ANKHD1: variants seen among roughly 807,000 people sequenced by gnomAD.
The protein encoded by ANKHD1 is ankyrin repeat and KH domain-containing protein 1.
In ANKHD1, 31 loss-of-function variants were observed where a neutral mutation model predicts 230.5. The ratio of observed to expected loss-of-function variants is 0.13; its 90% CI spans 0.10 to 0.18. The LOEUF is 0.18. Ranked by LOEUF, ANKHD1 falls within the 10% of genes least tolerant of loss-of-function variation. The pLI is 1.00. For missense variants in ANKHD1, 2,256 were observed against 3,071.3 expected (o/e 0.73, Z 6.27); for synonymous variants, 1,074 against 1,117.6 (o/e 0.96, Z 0.78).
Position 140,524,118 on chromosome 5 carries a change from A to C in ANKHD1, c.4370A>C (p.Lys1457Thr), listed in dbSNP as rs1460003705. 1 of 1,594,210 alleles carries C rather than the reference A, an allele frequency of 6.3e-7. No homozygotes were observed. Among genetic ancestry groups the C allele is most frequent in the Non-Finnish European group, 8.5e-7 (1 of 1,174,590 alleles). ...CTTGCTGCTAAAAGAGAAAAAAGAAAAGAAAAGAGAAAAAAGAAAAAAGAG... is the reference window on the plus strand; with the variant it reads ...CTTGCTGCTAAAAGAGAAAAAAGAACAGAAAAGAGAAAAAAGAAAAAAGAG... ...QALAAKREKR[K>T]EKRKKKKEEQ... The change falls in exon 25 of 34, where the codon AAA becomes ACA. Residue 1457 changes from lysine (K) to threonine (T), a missense_variant. Coordinates refer to ENST00000360839, the MANE Select transcript of ANKHD1 (RefSeq NM_017747.3).
chr5:140,513,572 G>A, intron 24 of ANKHD1, 93 bp downstream of exon 24: 1 of 1,269,770 alleles, frequency 7.9e-7, no homozygotes, highest in South Asian at 1.5e-5. Context: ...ACTTCAGAAG[G>A]CCAAGGCGGG....
intron 1 of ANKHD1, among the ~76,000 whole-genome samples, chr5:140,425,113 A>T (rs770351644): frequency 1.3e-5 from 2 of 152,194 alleles, no homozygotes; most frequent in African/African-American, 4.8e-5. Flanking sequence ...TGTTAAAGCT[A>T]TAGTTTAAAA....
At chr5:140,433,683 A>G (rs1351309379) in intron 1 of ANKHD1, among the ~76,000 whole-genome samples, 1 of 152,154 alleles carries the variant, frequency 6.6e-6, no homozygotes, top group African/African-American at 2.4e-5. Context: ...ATGCGCCTTT[A>G]GTAAATATTG....
chr5:140,429,661 A>AT (rs1397236680), intron 1 of ANKHD1, among the ~76,000 whole-genome samples: 8 of 152,234 alleles, frequency 5.3e-5, no homozygotes, highest in African/African-American at 1.7e-4. Flanking sequence ...ATAGAATATT[A>AT]TTTTTTACTA....
intron 1 of ANKHD1, among the ~76,000 whole-genome samples, chr5:140,405,418 C>T (rs1015516311): frequency 6.6e-6 from 1 of 152,084 alleles, no homozygotes. Context: ...AGAGTATAGT[C>T]TGTGCCTTTG....
intron 23 of ANKHD1, 55 bp downstream of exon 23, chr5:140,512,978 A>C: frequency 1.4e-6 from 2 of 1,480,994 alleles, no homozygotes; most frequent in Non-Finnish European, 1.8e-6. Flanking sequence ...ATGATATGCC[A>C]AAGTGTGCAG....
In ANKHD1 at chr5:140,527,870, T is replaced by C. The variant is rs371304219; in HGVS notation, c.5088-3T>C. ...AAGCTCATGTGTATTCTTCATTTTA[T>C]AGGTCAAAGAAATTGTCTGTTCCAG... is the stretch of plus-strand genomic sequence containing the variant. On this transcript the variant is annotated splice_region_variant and splice_polypyrimidine_tract_variant and intron_variant, in intron 27 of 33. Transcript: ENST00000360839. The surrounding 1 kb of genome is among the most constrained non-coding windows in gnomAD (Gnocchi z 4.5). 385 of 1,610,550 alleles carry C rather than the reference T, an allele frequency of 2.4e-4. 6 individuals carry two copies. In the South Asian group the frequency reaches 3.9e-3, roughly 16 times the overall value.
intron 24 of ANKHD1, among the ~76,000 whole-genome samples, chr5:140,521,666 A>G (rs1212219139): frequency 6.6e-6 from 1 of 152,046 alleles, no homozygotes; most frequent in Non-Finnish European, 1.5e-5. Flanking sequence ...CACAAACCAT[A>G]CAATTTACCC....
chr5:140,431,817 C>T (rs1378709024), intron 1 of ANKHD1, among the ~76,000 whole-genome samples: 1 of 152,282 alleles, frequency 6.6e-6, no homozygotes, highest in African/African-American at 2.4e-5. Flanking sequence ...AGTTATCAGC[C>T]TCTGAAGCAA....
chr5:140,440,783 CTTTA>C (rs1773792275), intron 4 of ANKHD1, among the ~76,000 whole-genome samples: 1 of 152,112 alleles, frequency 6.6e-6, no homozygotes, highest in African/African-American at 2.4e-5. Flanking sequence ...TGATTGCATA[CTTTA>C]TTTAAATATT....
intron 1 of ANKHD1, among the ~76,000 whole-genome samples, chr5:140,411,717 T>G (rs1300404894): frequency 6.6e-6 from 1 of 151,592 alleles, no homozygotes; most frequent in Non-Finnish European, 1.5e-5. Context: ...AGAGATGGGG[T>G]TTCACCATGT....
At chr5:140,445,223 T>C (rs1297336858) in intron 5 of ANKHD1, among the ~76,000 whole-genome samples, 2 of 152,028 alleles carry the variant, frequency 1.3e-5, no homozygotes, top group African/African-American at 2.4e-5. Flanking sequence ...ATTGGTATAA[T>C]TGGCATAATT....
intron 1 of ANKHD1, among the ~76,000 whole-genome samples, chr5:140,428,655 G>T (rs1193596089): frequency 6.6e-6 from 1 of 152,216 alleles, no homozygotes; most frequent in Non-Finnish European, 1.5e-5. Context: ...ACCGTGGGGA[G>T]AGGGAGAGGG....
At chr5:140,456,691 C>T (rs1775220469) in intron 7 of ANKHD1, among the ~76,000 whole-genome samples, 1 of 152,098 alleles carries the variant, frequency 6.6e-6, no homozygotes, top group South Asian at 2.1e-4. Flanking sequence ...CCCTTCCTTA[C>T]ACTTTATAGA....
rs1276571301 is a variant in ANKHD1 at position 140,528,764 on chromosome 5, G to A, written c.5818G>A (p.Val1940Ile). 1.9e-6 allele frequency: 3 copies of A among 1,614,024 alleles called. No individual in the cohort carries two copies. Among genetic ancestry groups the A allele is most frequent in the Non-Finnish European group, 2.5e-6 (3 of 1,180,048 alleles). The part of the protein sequence containing the change: ...TASCPITVSS[V>I]VAASQQLCVT... ...CAGTTGTCCTATCACTGTCTCTTCT[G>A]TAGTTGCTGCCAGTCAGCAACTGTG... Residue 1940 changes from valine (V) to isoleucine (I), a missense_variant, in exon 29 of 34, where the codon GTA becomes ATA. Physicochemically the swap from Val to Ile is conservative, Grantham distance 29. Transcript: ENST00000360839.
chr5:140,527,010 C>A lies in ANKHD1; in HGVS notation c.5023C>A (p.Leu1675Met). The change falls in exon 27 of 34, where the codon CTG (leucine) becomes ATG (methionine). Residue 1675 changes from leucine (L) to methionine (M), a missense_variant. By Grantham distance (15) the Leu-to-Met change is conservative (BLOSUM62 2). Transcript: ENST00000360839. This position sits in a 1 kb window ranked among gnomAD's most constrained non-coding sequence, Gnocchi z 4.5. ...SLPLSSPNIK[L>M]NLTSPKRGQK... Reference sequence around the variant, plus strand: ...GCCATTAAGCTCTCCAAACATAAAGCTGAATCTCACTAGCCCTAAAAGGGG... The same window carrying A: ...GCCATTAAGCTCTCCAAACATAAAGATGAATCTCACTAGCCCTAAAAGGGG... 6.2e-7 allele frequency: 1 copy of A among 1,613,750 alleles called. No homozygotes were observed. Among genetic ancestry groups the A allele is most frequent in the South Asian group, 1.1e-5 (1 of 91,046 alleles).
At chr5:140,407,670 T>G (rs967260005) in intron 1 of ANKHD1, among the ~76,000 whole-genome samples, 1 of 152,162 alleles carries the variant, frequency 6.6e-6, no homozygotes, top group African/African-American at 2.4e-5. Flanking sequence ...GATTACAAGT[T>G]GTAAGCCACT....
intron 1 of ANKHD1, among the ~76,000 whole-genome samples, chr5:140,419,827 TTTCTTTC>T: frequency 8.1e-6 from 1 of 123,120 alleles, no homozygotes; most frequent in Non-Finnish European, 1.8e-5. Context: ...TCTTTCTTTC[TTTCTTTC>T]TTTTTCTTTC....
chr5:140,429,333 C>A (rs1414159989), intron 1 of ANKHD1, among the ~76,000 whole-genome samples: 1 of 152,000 alleles, frequency 6.6e-6, no homozygotes, highest in Admixed American at 6.6e-5. Flanking sequence ...ACCTTGTGAT[C>A]CACCCGCCTC....
Sources: allele counts gnomAD v4.1 joint callset (sites outside exome capture counted in the v4.1 genomes callset), GRCh38; gene constraint gnomAD v4.1.1; non-coding constraint Gnocchi (gnomAD v3.1); transcripts MANE v1.5; gene names NCBI Gene and HGNC (gene_info 2026-07-23, HGNC 2026-07-21).